HSD17B12: variants seen among roughly 807,000 people sequenced by gnomAD.
HSD17B12 encodes the protein hydroxysteroid 17-beta dehydrogenase 12, also known as very-long-chain 3-oxoacyl-CoA reductase.
In HSD17B12, 32 loss-of-function variants were observed where a neutral mutation model predicts 39.3. The observed-to-expected ratio is 0.81, with a 90% CI of 0.61 to 1.09. HSD17B12 has a LOEUF of 1.09. Among genes scored for constraint, HSD17B12 ranks in the 50% least tolerant of loss-of-function variants. HSD17B12 has a pLI of 0.00. For synonymous variants in HSD17B12, 150 were observed against 146.7 expected, an observed-to-expected ratio of 1.02 and a Z score of -0.16; for missense variants, 342 against 382.9, an observed-to-expected ratio of 0.89 and a Z score of 0.89.
At chr11:43,775,473 T>C (rs1300272730) in intron 3 of HSD17B12, among the ~76,000 whole-genome samples, 4 of 146,296 alleles carry the variant, frequency 2.7e-5, no homozygotes, top group Non-Finnish European at 4.6e-5. Flanking sequence ...TTTGAACAAA[T>C]AATTTTAAGA....
intron 8 of HSD17B12, 110 bp from the exon 9 acceptor site, chr11:43,839,889 T>A: frequency 1.1e-6 from 1 of 897,578 alleles, no homozygotes; most frequent in Non-Finnish European, 1.8e-6. Context: ...AAAAAAATGA[T>A]GAGAAATTAT....
chr11:43,792,322 G>A (rs1299863898), intron 3 of HSD17B12, among the ~76,000 whole-genome samples: 1 of 152,172 alleles, frequency 6.6e-6, no homozygotes, highest in Non-Finnish European at 1.5e-5. Flanking sequence ...TAATTTTAGT[G>A]AAAATGGAGA....
the HSD17B12 span, among the ~76,000 whole-genome samples, chr11:43,664,931 T>C: frequency 6.6e-6 from 1 of 152,200 alleles, no homozygotes; most frequent in African/African-American, 2.4e-5. Flanking sequence ...AAATGTCTCG[T>C]TCATGAAACG....
chr11:43,638,630 G>A, the HSD17B12 span, among the ~76,000 whole-genome samples: 2 of 152,136 alleles, frequency 1.3e-5, no homozygotes, highest in Admixed American at 1.3e-4. Flanking sequence ...AGCAAAGGAA[G>A]GATCTATTTG....
chr11:43,849,860 C>G (rs1185864423), intron 9 of HSD17B12, among the ~76,000 whole-genome samples: 2 of 152,176 alleles, frequency 1.3e-5, no homozygotes, highest in Non-Finnish European at 2.9e-5. Context: ...AAACATTGTT[C>G]TAGTAGGTGC....
At chr11:43,843,824 C>G (rs542243130) in intron 9 of HSD17B12, among the ~76,000 whole-genome samples, 1 of 152,310 alleles carries the variant, frequency 6.6e-6, no homozygotes, top group South Asian at 2.1e-4. Flanking sequence ...CCTCTGCCTG[C>G]TACTGTCTGG....
At chr11:43,803,745 C>T (rs913004847) in intron 4 of HSD17B12, among the ~76,000 whole-genome samples, 2 of 152,042 alleles carry the variant, frequency 1.3e-5, no homozygotes, top group Non-Finnish European at 2.9e-5. Flanking sequence ...ACTATAAATG[C>T]TTAAGGTTGA....
rs559580629 is a variant in HSD17B12 at position 43,693,040 on chromosome 11, A to G, written c.160+12053A>G. The stretch of plus-strand genomic sequence containing the variant: ...CAGAAGAGAATCATGATAGAATAGC[A>G]GAACTGGAAGGGATGTTAGCAACCT... On this transcript the variant is annotated intron_variant, in intron 1 of 10. Transcript: ENST00000278353. Among the ~76,000 whole-genome samples the G allele has an allele frequency of 2.5e-4, 38 of 152,382 alleles. No individual in the cohort carries two copies. In the South Asian group the frequency reaches 3.1e-3, roughly 12 times the overall value.
At chr11:43,676,901 T>A (rs1949698772), upstream of HSD17B12, among the ~76,000 whole-genome samples, 1 of 152,120 alleles carries the variant, frequency 6.6e-6, no homozygotes, top group East Asian at 1.9e-4. Context: ...ATCTAGAGGG[T>A]GCCTTGTTGG....
chr11:43,601,519 T>A, the HSD17B12 span, among the ~76,000 whole-genome samples: 62,095 of 142,982 alleles, frequency 0.43, 13,880 homozygotes, highest in East Asian at 0.76. Flanking sequence ...TTTTTTTTTT[T>A]AAAGTAGCCT....
At chr11:43,584,795 TCCTCAAAGGCTTA>T in the HSD17B12 span, 1 of 152,266 alleles carries the variant, frequency 6.6e-6, no homozygotes, top group South Asian at 2.1e-4. Context: ...TTGGAGACTG[TCCTCAAAGGCTTA>T]GTCCTTGACA....
At chr11:43,679,029 A>G (rs1753720263), upstream of HSD17B12, among the ~76,000 whole-genome samples, 1 of 152,158 alleles carries the variant, frequency 6.6e-6, no homozygotes, top group African/African-American at 2.4e-5. Flanking sequence ...CTTGGGCAGT[A>G]TGGCCATTTT....
chr11:43,625,800 T>C, the HSD17B12 span, among the ~76,000 whole-genome samples: 1 of 151,382 alleles, frequency 6.6e-6, no homozygotes, highest in African/African-American at 2.4e-5. Context: ...TTTGGTCTAA[T>C]AGTTAACATA....
chr11:43,761,392 A>G (rs1950553851), intron 3 of HSD17B12, among the ~76,000 whole-genome samples: 1 of 151,900 alleles, frequency 6.6e-6, no homozygotes, highest in South Asian at 2.1e-4. Flanking sequence ...TATGTGTTGT[A>G]TTTTCTATAT....
intron 7 of HSD17B12, among the ~76,000 whole-genome samples, chr11:43,837,670 TAG>T (rs1366211824): frequency 6.6e-6 from 1 of 152,142 alleles, no homozygotes; most frequent in African/African-American, 2.4e-5. Flanking sequence ...CACATAATTT[TAG>T]AGTCAACTCT....
the HSD17B12 span, among the ~76,000 whole-genome samples, chr11:43,624,135 A>C: frequency 6.6e-6 from 1 of 151,978 alleles, no homozygotes; most frequent in African/African-American, 2.4e-5. Flanking sequence ...TGATCAATTA[A>C]CCAGATAATT....
the HSD17B12 span, among the ~76,000 whole-genome samples, chr11:43,583,016 G>A: frequency 7.2e-5 from 11 of 152,340 alleles, no homozygotes; most frequent in East Asian, 2.1e-3. Context: ...AGAGGCATAA[G>A]AACCACGTTA....
the HSD17B12 span, among the ~76,000 whole-genome samples, chr11:43,653,917 G>C: frequency 2.0e-5 from 3 of 152,142 alleles, no homozygotes; most frequent in Non-Finnish European, 4.4e-5. Context: ...CCCAGTAATG[G>C]GATGGTTGGG....
chr11:43,581,899 G>A, the HSD17B12 span, among the ~76,000 whole-genome samples: 1 of 152,182 alleles, frequency 6.6e-6, no homozygotes, highest in Admixed American at 6.5e-5. This position sits in a 1 kb window ranked among gnomAD's most constrained non-coding sequence, Gnocchi z 4.9. Context: ...GACATTTTGT[G>A]GTCATTTTTG....
Sources: allele counts gnomAD v4.1 joint callset (sites outside exome capture counted in the v4.1 genomes callset), GRCh38; gene constraint gnomAD v4.1.1; non-coding constraint Gnocchi (gnomAD v3.1); transcripts MANE v1.5; gene names NCBI Gene and HGNC (gene_info 2026-07-23, HGNC 2026-07-21).